The following ZFAND3 variants were observed in gnomAD, a reference collection of about 807,000 sequenced individuals.
The protein encoded by ZFAND3 is AN1-type zinc finger protein 3.
In ZFAND3, 10 loss-of-function variants were observed where a neutral mutation model predicts 29.6. The ratio of observed to expected loss-of-function variants is 0.34; its 90% confidence interval spans 0.21 to 0.57. The LOEUF (loss-of-function observed/expected upper bound fraction) is 0.57, where lower values mean the gene tolerates loss of function less well. ZFAND3 is among the 20% of genes least tolerant of loss of function. ZFAND3 has a pLI of 0.86. For missense variants in ZFAND3, 230 were observed against 304.5 expected (o/e 0.76, Z 1.82); for synonymous variants, 128 against 112.6 (o/e 1.14, Z -0.87).
intron 4 of ZFAND3, among the ~76,000 whole-genome samples, chr6:38,101,212 T>G (rs994616863): frequency 3.9e-5 from 6 of 152,222 alleles, no homozygotes; most frequent in Non-Finnish European, 8.8e-5. Flanking sequence ...TGCTTCCGAT[T>G]TTTCAGCAGC....
chr6:38,026,202 G>C (rs961927097), intron 2 of ZFAND3, among the ~76,000 whole-genome samples: 3 of 151,914 alleles, frequency 2.0e-5, no homozygotes, highest in Admixed American at 1.3e-4. Context: ...GTTTATACTG[G>C]ATCATTTTTA....
intron 5 of ZFAND3, among the ~76,000 whole-genome samples, chr6:38,135,855 T>C (rs1765832739): frequency 6.6e-6 from 1 of 152,138 alleles, no homozygotes; most frequent in Non-Finnish European, 1.5e-5. Flanking sequence ...CATCACCAAG[T>C]TTGGCCTGCC....
At chr6:37,951,294 G>A (rs1255834034) in intron 2 of ZFAND3, among the ~76,000 whole-genome samples, 1 of 151,968 alleles carries the variant, frequency 6.6e-6, no homozygotes, top group Non-Finnish European at 1.5e-5. Flanking sequence ...TATTTTCAAG[G>A]TATAAAATCA....
At chr6:38,102,512 C>T (rs1048405124) in intron 4 of ZFAND3, among the ~76,000 whole-genome samples, 1 of 152,144 alleles carries the variant, frequency 6.6e-6, no homozygotes, top group East Asian at 1.9e-4. Flanking sequence ...AACCCCTGGG[C>T]AAGTCATCTA....
At chr6:37,875,198 T>A (rs974727768) in intron 1 of ZFAND3, among the ~76,000 whole-genome samples, 1 of 152,206 alleles carries the variant, frequency 6.6e-6, no homozygotes, top group African/African-American at 2.4e-5. Flanking sequence ...TTTTTAATTT[T>A]AAAAATAATA....
chr6:37,996,358 T>TA (rs1332286309), intron 2 of ZFAND3, among the ~76,000 whole-genome samples: 1 of 152,222 alleles, frequency 6.6e-6, no homozygotes, highest in African/African-American at 2.4e-5. Flanking sequence ...ATACACTTGT[T>TA]ATGTACTTAT....
At chr6:38,130,145 T>C (rs1765715369) in intron 5 of ZFAND3, among the ~76,000 whole-genome samples, 1 of 152,222 alleles carries the variant, frequency 6.6e-6, no homozygotes, top group African/African-American at 2.4e-5. Flanking sequence ...GCTACTGATT[T>C]GTGTACATTA....
intron 1 of ZFAND3, among the ~76,000 whole-genome samples, chr6:37,855,571 G>T (rs1332029867): frequency 6.6e-6 from 1 of 152,154 alleles, no homozygotes; most frequent in African/African-American, 2.4e-5. Context: ...AAAGAGGGAA[G>T]GAATTTAGTT....
At chr6:38,067,213 A>G (rs890903082) in intron 3 of ZFAND3, among the ~76,000 whole-genome samples, 7 of 152,312 alleles carry the variant, frequency 4.6e-5, no homozygotes, top group Middle Eastern at 3.4e-3. Context: ...CCCTCCATAT[A>G]TGTGGGCAAT....
intron 1 of ZFAND3, among the ~76,000 whole-genome samples, chr6:37,863,608 G>T (rs1241413742): frequency 1.4e-5 from 2 of 144,276 alleles, no homozygotes; most frequent in Non-Finnish European, 1.5e-5. Flanking sequence ...GGTTTCACAG[G>T]TTTTTTTTTT....
intron 1 of ZFAND3, among the ~76,000 whole-genome samples, chr6:37,921,281 A>G (rs1467934684): frequency 6.6e-6 from 1 of 152,150 alleles, no homozygotes; most frequent in Non-Finnish European, 1.5e-5. Flanking sequence ...TTTGTAGTCT[A>G]GATTTTTTTA....
intron 1 of ZFAND3, among the ~76,000 whole-genome samples, chr6:37,821,077 G>A (rs1231911319): frequency 6.6e-6 from 1 of 152,244 alleles, no homozygotes; most frequent in African/African-American, 2.4e-5. Flanking sequence ...ATAGAGGCAG[G>A]AAGGAAGATT....
chr6:37,910,136 ATG>A (rs1316500736), intron 1 of ZFAND3, among the ~76,000 whole-genome samples: 1 of 152,224 alleles, frequency 6.6e-6, no homozygotes, highest in Non-Finnish European at 1.5e-5. Flanking sequence ...GCATAGTAGA[ATG>A]TGGCCTCTGA....
intron 1 of ZFAND3, among the ~76,000 whole-genome samples, chr6:37,902,168 G>C (rs948949140): frequency 2.0e-5 from 3 of 152,098 alleles, no homozygotes; most frequent in Non-Finnish European, 4.4e-5. Flanking sequence ...TAGCATTATG[G>C]CCAGGTACAG....
chr6:38,116,270 T>C lies in ZFAND3; in HGVS notation c.362-302T>C, dbSNP rs75401076. 5.6e-3 allele frequency among the ~76,000 whole-genome samples: 850 copies of C among 152,326 alleles called. 67 individuals carry two copies. In the East Asian group the frequency reaches 0.14, roughly 26 times the overall value. On this transcript the variant is annotated intron_variant, in intron 4 of 5. Coordinates refer to ENST00000287218, the MANE Select transcript of ZFAND3 (RefSeq NM_021943.3). ...ACAAAGACAGGACCCCATTTCTAGC[T>C]GGAATGGTCTCCTCATAGAATCTCA...
Position 38,118,705 on chromosome 6 carries a change from T to G in ZFAND3, c.529+1966T>G, listed in dbSNP as rs78955153. 3.1e-3 allele frequency among the ~76,000 whole-genome samples: 461 copies of G among 150,792 alleles called. 6 individuals are homozygous for G. Among genetic ancestry groups the G allele is most frequent in the South Asian group, 0.015 (71 of 4,704 alleles). On this transcript the variant is annotated intron_variant, in intron 5 of 5. Transcript: ENST00000287218. ...TGTAACCAGGTCTCCTAGTTTACCC[T>G]TCAGCTTTGACGCAGACTACCTAAT...
chr6:37,829,770 C>A (rs1021257227), intron 1 of ZFAND3, among the ~76,000 whole-genome samples: 3 of 152,120 alleles, frequency 2.0e-5, no homozygotes, highest in African/African-American at 7.2e-5. Context: ...TAAAACCGTG[C>A]ATTTTATTTG....
At chr6:38,113,798 T>C (rs935673922) in intron 4 of ZFAND3, among the ~76,000 whole-genome samples, 36 of 152,240 alleles carry the variant, frequency 2.4e-4, no homozygotes, top group African/African-American at 8.4e-4. Context: ...CTTTATTTTT[T>C]CCCCCGGCTT....
intron 2 of ZFAND3, among the ~76,000 whole-genome samples, chr6:38,017,980 C>G (rs959431050): frequency 6.6e-6 from 1 of 152,150 alleles, no homozygotes; most frequent in Admixed American, 6.5e-5. Flanking sequence ...TTGCCCTTCC[C>G]TCCTTTTTGC....
Sources: gnomAD v4.1 joint callset for allele counts (sites outside exome capture counted in the v4.1 genomes callset) on GRCh38, gnomAD v4.1.1 for gene constraint, MANE v1.5 for transcripts, NCBI Gene and HGNC (gene_info 2026-07-23, HGNC 2026-07-21) for gene names.